The following DNAH9 variants were observed in gnomAD, a reference collection of about 807,000 sequenced individuals.
DNAH9 encodes the protein DNAH9 variant protein.
A neutral mutation model predicts 471.6 loss-of-function variants in DNAH9; 345 were observed. The ratio of observed to expected loss-of-function variants is 0.73; its 90% CI spans 0.67 to 0.80. The LOEUF is 0.80. Ranked by LOEUF, DNAH9 falls within the 30% of genes least tolerant of loss-of-function variation. DNAH9 has a pLI of 0.00. For synonymous variants in DNAH9, 2,093 were observed against 2,123.6 expected (o/e 0.99, Z 0.40); for missense variants, 5,407 against 5,609.2 (o/e 0.96, Z 1.15).
intron 14 of DNAH9, 126 bp from the exon 15 acceptor site, chr17:11,664,707 G>A: frequency 1.3e-6 from 1 of 760,506 alleles, no homozygotes; most frequent in Non-Finnish European, 2.2e-6. Flanking sequence ...TTCGATACAT[G>A]TGTAATAGCA....
Position 11,834,697 on chromosome 17 carries a change from A to G in DNAH9, c.9306A>G (p.Glu3102=). The change falls in exon 49 of 69, where the codon GAA becomes GAG. Residue 3102 remains glutamate, a synonymous_variant. Transcript: ENST00000262442. ...AQEVELKQKN[E]DADKLIQVVG... ...AAGTAGAGCTGAAGCAGAAAAATGAAGATGCAGACAAACTGATTCAGGTCG... is the reference window on the plus strand; with the variant it reads ...AAGTAGAGCTGAAGCAGAAAAATGAGGATGCAGACAAACTGATTCAGGTCG... 6.2e-7 allele frequency: 1 copy of G among 1,614,104 alleles called. No homozygotes were observed. The highest frequency in any genetic ancestry group is 8.5e-7 in the Non-Finnish European group (1 of 1,179,998).
intron 50 of DNAH9, among the ~76,000 whole-genome samples, chr17:11,866,492 G>C (rs1972060335): frequency 6.6e-6 from 1 of 152,212 alleles, no homozygotes; most frequent in Admixed American, 6.5e-5. Context: ...TGAGGAGGCA[G>C]TCTGCCCGTT....
chr17:11,769,119 C>G lies in DNAH9; in HGVS notation c.7345-3C>G. 6.2e-7 allele frequency: 1 copy of G among 1,614,144 alleles called. No individual in the cohort carries two copies. On this transcript the variant is annotated splice_polypyrimidine_tract_variant and splice_region_variant and intron_variant, in intron 37 of 68. Transcript: ENST00000262442. ...TGGCAGGCTTATTGTGCTCCCATTC[C>G]AGGCGTGTTTGGTGCACACGAGTGA...
intron 9 of DNAH9, among the ~76,000 whole-genome samples, chr17:11,638,361 A>T (rs2073202844): frequency 6.6e-6 from 1 of 152,118 alleles, no homozygotes; most frequent in Non-Finnish European, 1.5e-5. Flanking sequence ...TTAGTACCTT[A>T]AAACACCACC....
intron 62 of DNAH9, among the ~76,000 whole-genome samples, chr17:11,926,064 C>T (rs934542476): frequency 5.3e-5 from 4 of 74,940 alleles, no homozygotes; most frequent in African/African-American, 1.1e-4. Flanking sequence ...AAAAAAAAAG[C>T]TGGGGGGGGA....
intron 53 of DNAH9, 151 bp downstream of exon 53, chr17:11,875,335 C>G: frequency 3.0e-6 from 2 of 662,202 alleles, no homozygotes; most frequent in East Asian, 5.5e-5. Flanking sequence ...TAGCAAACAT[C>G]TCAATGAAAG....
Position 11,619,779 on chromosome 17 carries a change from G to C in DNAH9, c.1348G>C (p.Glu450Gln). Residue 450 changes from glutamate to glutamine, a missense_variant and splice_region_variant, in exon 6 of 69, where the codon GAG (glutamate) becomes CAG (glutamine). Glu to Gln is a conservative substitution (Grantham distance 29, BLOSUM62 2). Transcript: ENST00000262442. Reference protein sequence around the residue: ...DGFLGQLHVVEGLLKTALDFH... With the variant: ...DGFLGQLHVVQGLLKTALDFH... ...CTTCCTGGGACAACTGCACGTGGTG[G>C]AGGTGAGTGCGCACCTCACCTCAGG... 6.3e-7 allele frequency: 1 copy of C among 1,586,988 alleles called. No homozygotes were observed. Among genetic ancestry groups the C allele is most frequent in the Non-Finnish European group, 8.7e-7 (1 of 1,155,338 alleles).
intron 50 of DNAH9, among the ~76,000 whole-genome samples, chr17:11,863,772 T>G (rs1052874276): frequency 8.6e-5 from 13 of 150,724 alleles, no homozygotes; most frequent in East Asian, 3.9e-4. Flanking sequence ...GTCGAGGAAT[T>G]TATCCATTTC....
rs765737731 is a variant in DNAH9, at chr17:11,961,889, A to C, written c.12866A>C (p.His4289Pro). The C allele has an allele frequency of 1.2e-6, 2 of 1,611,228 alleles. No homozygotes were observed. Reference sequence around the variant, plus strand: ...CAGGGGGAGCTGACTATGACCAGCCACATGGAGAACTTACAGAATGCCCTG... The same window carrying C: ...CAGGGGGAGCTGACTATGACCAGCCCCATGGAGAACTTACAGAATGCCCTG... The part of the protein sequence containing the change: ...GLKGELTMTS[H>P]MENLQNALYF... Residue 4289 changes from histidine (H) to proline (P), a missense_variant, in exon 68 of 69, where the codon CAC becomes CCC. Around this residue, in one of 3 missense-constraint regions of DNAH9, gnomAD observed 4,636 missense variants for 4,900.3 expected, o/e 0.95. Transcript: ENST00000262442.
At chr17:11,625,721 C>T (rs1238788395) in intron 6 of DNAH9, among the ~76,000 whole-genome samples, 1 of 152,206 alleles carries the variant, frequency 6.6e-6, no homozygotes, top group Non-Finnish European at 1.5e-5. Context: ...CTGCCACCAC[C>T]ATTAAGTGCT....
intron 67 of DNAH9, among the ~76,000 whole-genome samples, chr17:11,959,461 A>G (rs1055579339): frequency 2.0e-5 from 3 of 152,236 alleles, no homozygotes; most frequent in African/African-American, 2.4e-5. Context: ...TCACATAACT[A>G]CAGATATGAG....
At chr17:11,670,236 G>A (rs2073951770) in intron 17 of DNAH9, among the ~76,000 whole-genome samples, 1 of 152,168 alleles carries the variant, frequency 6.6e-6, no homozygotes, top group Admixed American at 6.6e-5. Flanking sequence ...CTGCTTGTCT[G>A]TGCCATTCTC....
rs368500677 is a variant in DNAH9 at position 11,930,032 on chromosome 17, C to A, written c.12044C>A (p.Thr4015Asn). The A allele has an allele frequency of 6.2e-7, 1 of 1,614,018 alleles. No individual in the cohort carries two copies. Among genetic ancestry groups the A allele is most frequent in the Non-Finnish European group, 8.5e-7 (1 of 1,180,028 alleles). The change falls in exon 63 of 69, where the codon ACC becomes AAC. Residue 4015 changes from threonine (T) to asparagine (N), a missense_variant. Coordinates refer to ENST00000262442, the MANE Select transcript of DNAH9 (RefSeq NM_001372.4). ...ATCCTGGAGAACTCCATTAAGATCA[C>A]CAATGAGCCCCCCACGGGCATGCAT... ...QGILENSIKI[T>N]NEPPTGMHAN...
chr17:11,807,060 G>T (rs1969715441), intron 43 of DNAH9, among the ~76,000 whole-genome samples: 1 of 152,092 alleles, frequency 6.6e-6, no homozygotes, highest in African/African-American at 2.4e-5. Flanking sequence ...GAGGAATATG[G>T]GCACTGAGAG....
chr17:11,967,767 T>C (rs1469868569), intron 68 of DNAH9, among the ~76,000 whole-genome samples: 1 of 152,122 alleles, frequency 6.6e-6, no homozygotes, highest in Non-Finnish European at 1.5e-5. Flanking sequence ...AGATATGCCA[T>C]GCAAACAGTA....
chr17:11,942,681 C>T (rs1401618807), intron 67 of DNAH9, among the ~76,000 whole-genome samples, 196 bp downstream of exon 67: 2 of 152,168 alleles, frequency 1.3e-5, no homozygotes, highest in African/African-American at 4.8e-5. Flanking sequence ...AGATGTTATA[C>T]AGTCTTTGAC....
chr17:11,798,399 C>G (rs1369090355), intron 43 of DNAH9, among the ~76,000 whole-genome samples: 1 of 129,188 alleles, frequency 7.7e-6, no homozygotes, highest in East Asian at 2.3e-4. Flanking sequence ...CGCCACTGCA[C>G]TCCAGCCTGG....
rs147540036 is a variant in DNAH9, at chr17:11,617,323, C to T, written c.905-88C>T. ...AGCCTTCTCTCTGCTTGTTGTTTTG[C>T]AGGTCTTTTACTTCCCAGGGACTAG... On this transcript the variant is annotated intron_variant, in intron 4 of 68. Transcript: ENST00000262442. 191 of 831,232 alleles carry T rather than the reference C, an allele frequency of 2.3e-4. No homozygotes were observed. In the Middle Eastern group the frequency reaches 3.7e-3, roughly 16 times the overall value. 51.5% of individuals were successfully genotyped at this position (831,232 alleles called of 1,614,324 possible).
chr17:11,894,432 C>T lies in DNAH9; in HGVS notation c.11342C>T (p.Pro3781Leu). 6.2e-7 allele frequency: 1 copy of T among 1,614,188 alleles called. No homozygotes were observed. The highest frequency in any genetic ancestry group is 8.5e-7 in the Non-Finnish European group (1 of 1,180,018). ...AVELDFLLRS[P>L]VQTGTASPVE... is the part of the protein sequence containing the mutation. ...GAGTTGGATTTCCTGCTTCGATCTC[C>T]AGTGCAGACGGGCACCGCCAGCCCC... The change falls in exon 59 of 69, where the codon CCA becomes CTA. Residue 3781 changes from proline (P) to leucine (L), a missense_variant. Physicochemically the swap from Pro to Leu is moderately conservative, Grantham distance 98 (BLOSUM62 -3). Coordinates refer to ENST00000262442, the MANE Select transcript of DNAH9 (RefSeq NM_001372.4).
Sources: gnomAD v4.1 joint callset for allele counts (sites outside exome capture counted in the v4.1 genomes callset) on GRCh38, gnomAD v4.1.1 for gene constraint, gnomAD v4.1.1 regional missense constraint, MANE v1.5 for transcripts, NCBI Gene and HGNC (gene_info 2026-07-23, HGNC 2026-07-21) for gene names.